The following HPS1 variants were observed in gnomAD, a reference collection of about 807,000 sequenced individuals.
HPS1 encodes the protein BLOC-3 complex member HPS1.
HPS1 carries 59 observed loss-of-function variants against 90.6 expected under a neutral mutation model. The ratio of observed to expected loss-of-function variants is 0.65; its 90% CI spans 0.53 to 0.81. The LOEUF is 0.81. Among genes scored for constraint, HPS1 ranks in the 30% least tolerant of loss-of-function variants. The pLI is 0.00. For synonymous variants in HPS1, 388 were observed against 384.4 expected (o/e 1.01, Z -0.11); for missense variants, 849 against 896.7 (o/e 0.95, Z 0.68).
intron 6 of HPS1, 59 bp from the exon 7 acceptor site, chr10:98,431,350 GC>G: frequency 6.4e-7 from 1 of 1,558,892 alleles, no homozygotes; most frequent in Non-Finnish European, 8.8e-7. Context: ...CCCACTCCAA[GC>G]CCTGGGCTAG....
At position 98,429,900 on chromosome 10, in the gene HPS1, C is replaced by T. The variant is rs749351557; in HGVS notation, c.769-11G>A. The T allele has an allele frequency of 1.0e-5, 16 of 1,607,566 alleles. No individual in the cohort carries two copies. The Admixed American group carries it at 2.3e-4, about 23-fold the overall frequency. ...CCTCCGCGGGGAAGGCTGTGCAGGG[C>T]AGGGGAGAGGCTGGTTAGCTCCTAT... On this transcript the variant is annotated splice_polypyrimidine_tract_variant and intron_variant, in intron 8 of 19. Transcript: ENST00000361490.
Position 98,435,187 on chromosome 10 carries a change from C to G in HPS1, c.398+85G>C. ...GCTGGGGGCAGTATGTGAAAAATGG[C>G]AGCTTCACAGGGGCTGGGCACACGC... On this transcript the variant is annotated intron_variant, in intron 5 of 19. Coordinates refer to ENST00000361490, the MANE Select transcript of HPS1 (RefSeq NM_000195.5). This position sits in a 1 kb window ranked among gnomAD's most constrained non-coding sequence, Gnocchi z 4.3. 6.4e-7 allele frequency: 1 copy of G among 1,558,420 alleles called. No homozygotes were observed. The highest frequency in any genetic ancestry group is 8.8e-7 in the Non-Finnish European group (1 of 1,132,206).
intron 2 of HPS1, among the ~76,000 whole-genome samples, chr10:98,444,141 C>T (rs1159252182): frequency 6.6e-6 from 1 of 152,126 alleles, no homozygotes; most frequent in Non-Finnish European, 1.5e-5. Flanking sequence ...CATTCAAATG[C>T]TGCTCTCCCT....
rs10883095 is a variant in HPS1, at chr10:98,434,284, C to A, written c.399-193G>T. Among the ~76,000 whole-genome samples, 12,504 of 151,916 alleles carry A rather than the reference C, an allele frequency of 0.082. 932 individuals are homozygous for A. The highest frequency in any genetic ancestry group is 0.19 in the African/African-American group (7,915 of 41,334). On this transcript the variant is annotated intron_variant, in intron 5 of 19. Transcript: ENST00000361490. The stretch of plus-strand genomic sequence containing the variant: ...GAGTGGGGTGGGATAGGCACGGAGC[C>A]GGAAGGCAGGCAGCTGAGCAAATCA...
At chr10:98,433,511 A>G (rs1846825014) in intron 6 of HPS1, among the ~76,000 whole-genome samples, 1 of 152,234 alleles carries the variant, frequency 6.6e-6, no homozygotes. Context: ...AGCCACTTTA[A>G]CTTTTTGGGG....
At chr10:98,424,270 C>T in intron 14 of HPS1, 43 bp downstream of exon 14, 1 of 1,483,644 alleles carries the variant, frequency 6.7e-7, no homozygotes, top group African/African-American at 1.4e-5. Flanking sequence ...GAACAGTCCC[C>T]TGGGCACACG....
chr10:98,427,566 G>A (rs925075115), intron 10 of HPS1, among the ~76,000 whole-genome samples: 5 of 152,176 alleles, frequency 3.3e-5, no homozygotes, highest in East Asian at 1.9e-4. Flanking sequence ...GGGGGTAGAG[G>A]GGCATCTTCC....
At position 98,422,520 on chromosome 10, in the gene HPS1, G is replaced by T. The variant is rs746169154; in HGVS notation, c.1599-7C>A. 1.4e-5 allele frequency: 23 copies of T among 1,613,754 alleles called. No homozygotes were observed. In the African/African-American group the frequency reaches 3.1e-4, roughly 22 times the overall value. ...TGGGAAGTCTTCTAGGTAGGTGAAG[G>T]TCTGAGTTAAGGTGCTTACAAGCCA... On this transcript the variant is annotated splice_region_variant and splice_polypyrimidine_tract_variant and intron_variant, in intron 16 of 19. Coordinates refer to ENST00000361490, the MANE Select transcript of HPS1 (RefSeq NM_000195.5).
chr10:98,423,848 G>A lies in HPS1; in HGVS notation c.1437C>T (p.Cys479=), dbSNP rs552340796. The change falls in exon 15 of 20, where the codon TGC becomes TGT. Residue 479 remains cysteine (C), a synonymous_variant. Transcript: ENST00000361490. ...QACGKLKRQL[C]AIYRLNFLTT... ...TCAGAAAGTTCAGCCGGTAGATGGCGCAGAGCTGCCGCTTCAGCTTCCCAC... is the reference window on the plus strand; with the variant it reads ...TCAGAAAGTTCAGCCGGTAGATGGCACAGAGCTGCCGCTTCAGCTTCCCAC... 1.4e-5 allele frequency: 22 copies of A among 1,613,836 alleles called. No individual in the cohort carries two copies. The highest frequency in any genetic ancestry group is 2.7e-5 in the African/African-American group (2 of 75,044).
At chr10:98,433,877 G>C in intron 6 of HPS1, 106 bp downstream of exon 6, 1 of 1,464,242 alleles carries the variant, frequency 6.8e-7, no homozygotes, top group Non-Finnish European at 9.3e-7. Context: ...AGTTTCAGGG[G>C]CTGCTTGTGC....
chr10:98,446,427 C>A (rs1352144977), intron 1 of HPS1, among the ~76,000 whole-genome samples: 1 of 152,234 alleles, frequency 6.6e-6, no homozygotes, highest in African/African-American at 2.4e-5. Flanking sequence ...CGACCCCCAG[C>A]GCCCACTTTC....
Position 98,422,385 on chromosome 10 carries a change from G to A in HPS1, c.1727C>T (p.Ala576Val). ...AATGGTTACCTTAGTTTTGACAAAG[G>A]CAGCCAGCGGCCCCTTGCCCAACTC... ...SSELGKGPLAAFVKTKVWSLI... is the reference protein window; with the variant it reads ...SSELGKGPLAVFVKTKVWSLI... The change falls in exon 17 of 20, where the codon GCC (alanine) becomes GTC (valine). Residue 576 changes from alanine (A) to valine (V), a missense_variant. Ala to Val is a moderately conservative substitution (Grantham distance 64). Transcript: ENST00000361490. 2 of 1,614,030 alleles carry A rather than the reference G, an allele frequency of 1.2e-6. No homozygotes were observed. Among genetic ancestry groups the A allele is most frequent in the Non-Finnish European group, 1.7e-6 (2 of 1,180,018 alleles).
chr10:98,423,730 C>G (rs763787989), intron 15 of HPS1, 23 bp downstream of exon 15: 2 of 1,614,070 alleles, frequency 1.2e-6, no homozygotes, highest in South Asian at 1.1e-5. Flanking sequence ...CCCTGGCCAC[C>G]CAGGGGGCCG....
At chr10:98,421,285 T>C (rs139135475) in intron 17 of HPS1, among the ~76,000 whole-genome samples, 326 of 152,364 alleles carry the variant, frequency 2.1e-3, no homozygotes, top group African/African-American at 7.5e-3. Flanking sequence ...TCTGACTTAA[T>C]AATTCCATTT....
chr10:98,437,854 C>G (rs918324202), intron 3 of HPS1, among the ~76,000 whole-genome samples: 5 of 152,162 alleles, frequency 3.3e-5, no homozygotes, highest in Admixed American at 1.3e-4. Flanking sequence ...CTTGTAATCC[C>G]CATAATCCCC....
At chr10:98,442,450 C>T (rs1938595638) in intron 3 of HPS1, 1 of 155,016 alleles carries the variant, frequency 6.5e-6, no homozygotes, top group Admixed American at 6.2e-5. Context: ...TAAATATGTG[C>T]AATTTATGGT....
In HPS1 at chr10:98,435,377, T is replaced by G; in HGVS notation, c.293A>C (p.His98Pro). The change falls in exon 5 of 20, where the codon CAC becomes CCC. Residue 98 changes from histidine (H) to proline (P), a missense_variant. Transcript: ENST00000361490. The surrounding 1 kb of genome is among the most constrained non-coding windows in gnomAD (Gnocchi z 4.3). ...ECLFIAINGD[H>P]TESEGDLRRK... ...CCGCAGGTCCCCCTCGCTCTCGGTG[T>G]GGTCACCATTGATGGCAATGAACAG... 6.2e-7 allele frequency: 1 copy of G among 1,613,510 alleles called. No individual in the cohort carries two copies. Among genetic ancestry groups the G allele is most frequent in the Non-Finnish European group, 8.5e-7 (1 of 1,179,898 alleles).
downstream of HPS1, chr10:98,414,271 T>G (rs929007471): frequency 6.6e-6 from 1 of 152,114 alleles, no homozygotes; most frequent in Non-Finnish European, 1.5e-5. Context: ...ATAGACCCAG[T>G]TGGCAATCAT....
chr10:98,435,710 C>A lies in HPS1; in HGVS notation c.180G>T (p.Thr60=), dbSNP rs201733027. Residue 60 remains threonine, a synonymous_variant, in exon 4 of 20, where the codon ACG becomes ACT. Transcript: ENST00000361490. This position sits in a 1 kb window ranked among gnomAD's most constrained non-coding sequence, Gnocchi z 4.3. ...LLAPVIISSM[T]MLEKLSDTYT... ...AGGTGTCCGAGAGCTTCTCCAGCAT[C>A]GTCATGGAGGAGATGATGACCGGGG... is the stretch of plus-strand genomic sequence containing the variant. 6 of 1,613,878 alleles carry A rather than the reference C, an allele frequency of 3.7e-6. No individual in the cohort carries two copies. The highest frequency in any genetic ancestry group is 5.1e-6 in the Non-Finnish European group (6 of 1,179,956).
Sources: allele counts gnomAD v4.1 joint callset (sites outside exome capture counted in the v4.1 genomes callset), GRCh38; gene constraint gnomAD v4.1.1; non-coding constraint Gnocchi (gnomAD v3.1); transcripts MANE v1.5; gene names NCBI Gene and HGNC (gene_info 2026-07-23, HGNC 2026-07-21).